Variants in VWA3B observed in about 807,000 individuals in gnomAD.
VWA3B encodes von Willebrand factor A domain containing 3B.
A neutral mutation model predicts 158.3 loss-of-function variants in VWA3B; 138 were observed. The observed-to-expected ratio is 0.87, with a 90% CI of 0.76 to 1.00. VWA3B has a LOEUF of 1.00. Ranked by LOEUF, VWA3B falls within the 50% of genes least tolerant of loss-of-function variation. The pLI, the probability that VWA3B is intolerant of heterozygous loss-of-function variation, is 0.00. For missense variants in VWA3B, 1,555 were observed against 1,565.1 expected, an observed-to-expected ratio of 0.99 and a Z score of 0.11; for synonymous variants, 596 against 587.3, an observed-to-expected ratio of 1.01 and a Z score of -0.21.
At chr2:98,285,756 G>C (rs1689133124) in intron 22 of VWA3B, among the ~76,000 whole-genome samples, 1 of 151,160 alleles carries the variant, frequency 6.6e-6, no homozygotes, top group Non-Finnish European at 1.5e-5. Flanking sequence ...GTAAATTTTA[G>C]ATTCAACTTC....
At chr2:98,157,349 C>G (rs1678171797) in intron 7 of VWA3B, among the ~76,000 whole-genome samples, 1 of 152,194 alleles carries the variant, frequency 6.6e-6, no homozygotes, top group Admixed American at 6.5e-5. Context: ...CAGCCCCACA[C>G]TGTGCCTCTG....
At chr2:98,127,597 G>T (rs903089723) in intron 5 of VWA3B, among the ~76,000 whole-genome samples, 1 of 65,252 alleles carries the variant, frequency 1.5e-5, no homozygotes, top group Admixed American at 1.3e-4. Flanking sequence ...TGTGGGCGGG[G>T]GGGGGGGGGG....
chr2:98,188,144 C>T lies in VWA3B; in HGVS notation c.1466+15C>T. 20 of 1,604,574 alleles carry T rather than the reference C, an allele frequency of 1.2e-5. No homozygotes were observed. Among genetic ancestry groups the T allele is most frequent in the Non-Finnish European group, 1.6e-5 (19 of 1,175,032 alleles). ...ATCCGAAGGAGGTTGGTGTTATTTG[C>T]AGGAAGTTACAAGTGGTCTCCTCGC... On this transcript the variant is annotated intron_variant, in intron 10 of 27. Transcript: ENST00000477737.
intron 25 of VWA3B, among the ~76,000 whole-genome samples, chr2:98,301,623 G>A (rs966651472): frequency 1.3e-5 from 2 of 152,284 alleles, no homozygotes; most frequent in African/African-American, 2.4e-5. Context: ...CAGTGCCAGC[G>A]AGTGGGAATG....
In VWA3B at chr2:98,093,122, C is replaced by T; in HGVS notation, c.30C>T (p.Ile10=). 1.2e-6 allele frequency: 2 copies of T among 1,614,010 alleles called. No homozygotes were observed. Among genetic ancestry groups the T allele is most frequent in the Non-Finnish European group, 1.7e-6 (2 of 1,179,954 alleles). The part of the protein sequence containing the change: MEKSGPSST[I]SEQQLQRQEG... ...AGAAATCAGGCCCATCTTCTACCAT[C>T]TCTGAGCAGCAGCTGCAGAGGCAAG... The change falls in exon 2 of 28, where the codon ATC becomes ATT. Residue 10 remains isoleucine (I), a synonymous_variant. Transcript: ENST00000477737.
At position 98,228,235 on chromosome 2, in the gene VWA3B, G is replaced by C. The variant is rs1365874709; in HGVS notation, c.2053G>C (p.Glu685Gln). 6.2e-7 allele frequency: 1 copy of C among 1,613,638 alleles called. No individual in the cohort carries two copies. The highest frequency in any genetic ancestry group is 2.2e-5 in the East Asian group (1 of 44,862). Residue 685 changes from glutamate (E) to glutamine (Q), a missense_variant, in exon 15 of 28, where the codon GAA becomes CAA. Physicochemically the swap from Glu to Gln is conservative, Grantham distance 29. Transcript: ENST00000477737. ...EDLTLLVKEM[E>Q]QGHSDLEKMQ... ...TCTGACTCTTTTAGTTAAGGAAATG[G>C]AACAGGGTCACAGTGATCTGGAGAA...
chr2:98,108,755 G>T (rs1673881468), intron 2 of VWA3B, among the ~76,000 whole-genome samples: 1 of 151,532 alleles, frequency 6.6e-6, no homozygotes, highest in Non-Finnish European at 1.5e-5. Context: ...CAAATTTCCT[G>T]TAGACAGTAT....
intron 4 of VWA3B, among the ~76,000 whole-genome samples, chr2:98,120,018 G>A (rs1477539269): frequency 6.6e-6 from 1 of 152,180 alleles, no homozygotes; most frequent in Non-Finnish European, 1.5e-5. Flanking sequence ...CAGTGCATGG[G>A]AAGGTTAAAA....
chr2:98,242,304 G>A (rs1000888048), intron 19 of VWA3B: 5 of 456,050 alleles, frequency 1.1e-5, no homozygotes, highest in Non-Finnish European at 2.2e-5. Flanking sequence ...ATGAGGTATT[G>A]AGCAAAGAGG....
Position 98,194,503 on chromosome 2 carries a change from G to A in VWA3B, c.1737+11G>A. 6.2e-7 allele frequency: 1 copy of A among 1,612,910 alleles called. No homozygotes were observed. Among genetic ancestry groups the A allele is most frequent in the South Asian group, 1.1e-5 (1 of 91,004 alleles). On this transcript the variant is annotated intron_variant, in intron 12 of 27. Transcript: ENST00000477737. The stretch of plus-strand genomic sequence containing the variant: ...ATTAGAGACATAAAGGTAAGTTGGA[G>A]ACTAAGCTGGGAGAAGCATCCTAGG...
intron 26 of VWA3B, among the ~76,000 whole-genome samples, chr2:98,309,424 G>A (rs909039270): frequency 1.3e-5 from 2 of 152,174 alleles, no homozygotes; most frequent in African/African-American, 4.8e-5. Context: ...GAGTCGGCAG[G>A]AGGAGAGACC....
intron 14 of VWA3B, among the ~76,000 whole-genome samples, chr2:98,219,426 A>T (rs4132465): frequency 0.047 from 7,201 of 151,922 alleles, 256 homozygotes; most frequent in Middle Eastern, 0.083. Flanking sequence ...GAATTCAAAT[A>T]AAAAAAACAA....
chr2:98,184,493 G>T (rs920967859), intron 9 of VWA3B, among the ~76,000 whole-genome samples: 3 of 152,174 alleles, frequency 2.0e-5, no homozygotes, highest in Non-Finnish European at 4.4e-5. Context: ...TGGATCTTTT[G>T]AGCTGCCCAG....
At chr2:98,268,620 G>A (rs1328824264) in intron 21 of VWA3B, among the ~76,000 whole-genome samples, 1 of 149,230 alleles carries the variant, frequency 6.7e-6, no homozygotes, top group African/African-American at 2.5e-5. Context: ...TTAGCTCATT[G>A]AGCATCATTA....
intron 13 of VWA3B, chr2:98,216,994 C>A: frequency 8.2e-7 from 1 of 1,226,314 alleles, no homozygotes; most frequent in South Asian, 1.3e-5. Context: ...CCGCCCCGCA[C>A]CCAGTCTCAG....
chr2:98,314,332 T>C (rs897358332), downstream of VWA3B, among the ~76,000 whole-genome samples: 1 of 152,192 alleles, frequency 6.6e-6, no homozygotes, highest in Non-Finnish European at 1.5e-5. Context: ...GTGAGGAAAT[T>C]ACTGAAGACC....
intron 12 of VWA3B, 36 bp from the exon 13 acceptor site, chr2:98,211,894 A>T: frequency 6.4e-7 from 1 of 1,573,374 alleles, no homozygotes; most frequent in Non-Finnish European, 8.7e-7. Context: ...CTTTTTTGGG[A>T]TTCAAGTGTG....
At chr2:98,087,549 A>C (rs968501320) in intron 1 of VWA3B, among the ~76,000 whole-genome samples, 186 bp downstream of exon 1, 1 of 152,252 alleles carries the variant, frequency 6.6e-6, no homozygotes, top group Admixed American at 6.5e-5. Flanking sequence ...TCCGCTACCC[A>C]GGGCAAGCCG....
At chr2:98,179,412 G>GA in intron 8 of VWA3B, 1 of 461,980 alleles carries the variant, frequency 2.2e-6, no homozygotes, top group South Asian at 1.6e-5. Flanking sequence ...TGGCATTGTG[G>GA]TTATTCTTTT....
Sources: allele counts gnomAD v4.1 joint callset (sites outside exome capture counted in the v4.1 genomes callset), GRCh38; gene constraint gnomAD v4.1.1; transcripts MANE v1.5; gene names NCBI Gene and HGNC (gene_info 2026-07-23, HGNC 2026-07-21).